Variants in CADPS observed in about 807,000 individuals in gnomAD.
CADPS encodes calcium dependent secretion activator, also known as calcium-dependent secretion activator 1.
CADPS carries 57 observed loss-of-function variants against 167.3 expected under a neutral mutation model. The ratio of observed to expected loss-of-function variants is 0.34; its 90% CI spans 0.28 to 0.42. The LOEUF (loss-of-function observed/expected upper bound fraction) is 0.42. Ranked by LOEUF, CADPS falls within the 20% of genes least tolerant of loss-of-function variation. The pLI is 1.00. For synonymous variants in CADPS, 676 were observed against 635.3 expected, an observed-to-expected ratio of 1.06 and a Z score of -0.96; for missense variants, 1,414 against 1,738.1, an observed-to-expected ratio of 0.81 and a Z score of 3.32.
intron 3 of CADPS, among the ~76,000 whole-genome samples, chr3:62,690,951 A>G (rs4350913): frequency 0.87 from 132,891 of 151,970 alleles, 58,268 homozygotes; most frequent in East Asian, 0.98. Flanking sequence ...AGGAGAATGG[A>G]CAAACTGTGG....
At chr3:62,506,567 G>C (rs1032883133) in intron 17 of CADPS, among the ~76,000 whole-genome samples, 1 of 152,202 alleles carries the variant, frequency 6.6e-6, no homozygotes. Context: ...TATAAGAAAA[G>C]TGAGCTTAAT....
chr3:62,496,073 CT>C (rs56913608), intron 18 of CADPS, among the ~76,000 whole-genome samples: 1,822 of 140,308 alleles, frequency 0.013, 13 homozygotes, highest in Middle Eastern at 0.026. Context: ...CTTTTCTTTT[CT>C]TTTTTTTTTT....
chr3:62,860,639 C>T (rs1294678604), intron 1 of CADPS, among the ~76,000 whole-genome samples: 1 of 152,152 alleles, frequency 6.6e-6, no homozygotes, highest in Non-Finnish European at 1.5e-5. Context: ...CTTTCAAAGA[C>T]TGGGCTGGAG....
At chr3:62,797,299 T>C (rs1233455860) in intron 1 of CADPS, among the ~76,000 whole-genome samples, 2 of 152,132 alleles carry the variant, frequency 1.3e-5, no homozygotes, top group African/African-American at 4.8e-5. Context: ...CCTGTGACGG[T>C]GTTTGGTTTC....
At chr3:62,841,129 T>C (rs2076589276) in intron 1 of CADPS, among the ~76,000 whole-genome samples, 1 of 152,204 alleles carries the variant, frequency 6.6e-6, no homozygotes. Context: ...ACAGTCCTCA[T>C]CATTGGCAAA....
In CADPS at chr3:62,804,144, C is replaced by A. The variant is rs540122502; in HGVS notation, c.442-38160G>T. ...TTACTTGATGAATGTCTCCATCCCC[C>A]AGTTGATTACATGCTACATGTGGAC... On this transcript the variant is annotated intron_variant, in intron 1 of 29. Coordinates refer to ENST00000383710, the MANE Select transcript of CADPS (RefSeq NM_003716.4). Among the ~76,000 whole-genome samples the A allele has an allele frequency of 7.2e-5, 11 of 152,222 alleles. No individual in the cohort carries two copies. In the South Asian group the frequency reaches 1.9e-3, roughly 26 times the overall value.
At position 62,845,725 on chromosome 3, in the gene CADPS, C is replaced by T. The variant is rs906010205; in HGVS notation, c.441+28864G>A. ...CACCTCCCACTATCATCTATCTCTT[C>T]CTGTGATATTGTTATTGTTGAAGAA... On this transcript the variant is annotated intron_variant, in intron 1 of 29. Coordinates refer to ENST00000383710, the MANE Select transcript of CADPS (RefSeq NM_003716.4). Among the ~76,000 whole-genome samples, 4 of 152,280 alleles carry T rather than the reference C, an allele frequency of 2.6e-5. No homozygotes were observed. The East Asian group carries it at 5.8e-4, about 22-fold the overall frequency.
chr3:62,516,555 A>T (rs2069047337), intron 15 of CADPS, 25 bp downstream of exon 15: 2 of 1,531,470 alleles, frequency 1.3e-6, no homozygotes, highest in South Asian at 1.2e-5. Flanking sequence ...TATATATGTG[A>T]TCTATCTTTT....
At chr3:62,860,608 T>A (rs921324425) in intron 1 of CADPS, among the ~76,000 whole-genome samples, 4 of 152,148 alleles carry the variant, frequency 2.6e-5, no homozygotes, top group African/African-American at 9.7e-5. Flanking sequence ...AAGGGCCAGC[T>A]GTAAAATCAC....
intron 1 of CADPS, among the ~76,000 whole-genome samples, chr3:62,813,833 T>C (rs2094493560): frequency 1.3e-5 from 2 of 152,120 alleles, no homozygotes; most frequent in Non-Finnish European, 2.9e-5. Flanking sequence ...AACATACAAG[T>C]GGCCAACAAA....
intron 17 of CADPS, among the ~76,000 whole-genome samples, chr3:62,504,114 G>C (rs960290271): frequency 6.6e-6 from 1 of 152,088 alleles, no homozygotes; most frequent in African/African-American, 2.4e-5. Flanking sequence ...TTAAAAGCAT[G>C]AGATCCTCTT....
chr3:62,540,526 T>G (rs1238048647), intron 11 of CADPS, among the ~76,000 whole-genome samples: 4 of 152,150 alleles, frequency 2.6e-5, no homozygotes, highest in Non-Finnish European at 4.4e-5. Context: ...GATGGTATCT[T>G]GCAAATCCAA....
chr3:62,615,912 T>C (rs2062200416), intron 6 of CADPS, among the ~76,000 whole-genome samples: 1 of 152,170 alleles, frequency 6.6e-6, no homozygotes, highest in Non-Finnish European at 1.5e-5. Flanking sequence ...ACCTTCTGAG[T>C]GGTGTCATAT....
At chr3:62,615,400 G>A (rs773691611) in intron 6 of CADPS, among the ~76,000 whole-genome samples, 1 of 152,166 alleles carries the variant, frequency 6.6e-6, no homozygotes, top group Non-Finnish European at 1.5e-5. Context: ...CCCAGCAAAT[G>A]ATGATGACAG....
At chr3:62,695,566 C>T (rs1263284855) in intron 3 of CADPS, among the ~76,000 whole-genome samples, 2 of 152,128 alleles carry the variant, frequency 1.3e-5, no homozygotes, top group Middle Eastern at 6.3e-3. Context: ...AGCTATGATA[C>T]ATAACAAGAA....
At chr3:62,770,132 G>C (rs1282776865) in intron 1 of CADPS, among the ~76,000 whole-genome samples, 5 of 152,112 alleles carry the variant, frequency 3.3e-5, no homozygotes, top group African/African-American at 1.2e-4. Context: ...TCTTGCCTGA[G>C]AGCCTTTGCT....
intron 3 of CADPS, among the ~76,000 whole-genome samples, chr3:62,702,539 G>T (rs939133754): frequency 1.3e-5 from 2 of 152,066 alleles, no homozygotes; most frequent in African/African-American, 4.8e-5. Flanking sequence ...CACAGACAAG[G>T]GAACAAACGT....
Position 62,753,405 on chromosome 3 carries a change from A to T in CADPS, c.888+36T>A. On this transcript the variant is annotated intron_variant, in intron 3 of 29. Transcript: ENST00000383710. This position sits in a 1 kb window ranked among gnomAD's most constrained non-coding sequence, Gnocchi z 4.6. ...TAGAAGTTGGAATGCAGCTCTGCTTACCCACAGCTCTAGGCCCAGGCGAGA... is the reference window on the plus strand; with the variant it reads ...TAGAAGTTGGAATGCAGCTCTGCTTTCCCACAGCTCTAGGCCCAGGCGAGA... 2 of 1,494,118 alleles carry T rather than the reference A, an allele frequency of 1.3e-6. No individual in the cohort carries two copies. Among genetic ancestry groups the T allele is most frequent in the Non-Finnish European group, 1.8e-6 (2 of 1,086,546 alleles). 92.6% of individuals were successfully genotyped at this position (1,494,118 alleles called of 1,614,324 possible). A position where few individuals can be genotyped will look rare whatever the true frequency, so the allele number is the denominator to read the frequency against.
chr3:62,614,446 C>T (rs1413256506), intron 6 of CADPS, among the ~76,000 whole-genome samples: 2 of 152,152 alleles, frequency 1.3e-5, no homozygotes, highest in African/African-American at 4.8e-5. Context: ...TTTCTGAAGG[C>T]AGAGAGGCAA....
Sources: gnomAD v4.1 joint callset for allele counts (sites outside exome capture counted in the v4.1 genomes callset) on GRCh38, gnomAD v4.1.1 for gene constraint, Gnocchi (gnomAD v3.1) non-coding constraint, MANE v1.5 for transcripts, NCBI Gene and HGNC (gene_info 2026-07-23, HGNC 2026-07-21) for gene names.